The following PHF20 variants were observed in gnomAD, a reference collection of about 807,000 sequenced individuals.
The protein encoded by PHF20 is glioma-expressed antigen 2.
PHF20 carries 23 observed loss-of-function variants against 113.5 expected under a neutral mutation model. That is an observed-to-expected ratio of 0.20 (90% CI 0.15 to 0.29). The LOEUF is 0.29. PHF20 is among the 10% of genes least tolerant of loss of function. PHF20 has a pLI of 1.00. For missense variants in PHF20, 943 were observed against 1,219.6 expected, an observed-to-expected ratio of 0.77 and a Z score of 3.38; for synonymous variants, 434 against 457.3, an observed-to-expected ratio of 0.95 and a Z score of 0.65.
chr20:35,941,122 C>A lies in PHF20; in HGVS notation c.2896+75C>A, dbSNP rs1003279475. The A allele has an allele frequency of 3.2e-6, 4 of 1,268,968 alleles. No homozygotes were observed. The African/African-American group carries it at 5.9e-5, about 19-fold the overall frequency. 78.6% of individuals were successfully genotyped at this position (1,268,968 alleles called of 1,614,324 possible). Reference sequence around the variant, plus strand: ...CCCAGACGAGCTGCTTTCTGAACCCCCCAGTCTGAGTTTACAGGGACCGCT... The same window carrying A: ...CCCAGACGAGCTGCTTTCTGAACCCACCAGTCTGAGTTTACAGGGACCGCT... On this transcript the variant is annotated intron_variant, in intron 17 of 17. Transcript: ENST00000374012.
At chr20:35,881,930 C>T (rs905804739) in intron 9 of PHF20, among the ~76,000 whole-genome samples, 1 of 152,226 alleles carries the variant, frequency 6.6e-6, no homozygotes, top group Non-Finnish European at 1.5e-5. Flanking sequence ...GCCACATGGC[C>T]TCCTTGCTAT....
intron 10 of PHF20, among the ~76,000 whole-genome samples, chr20:35,906,580 C>A (rs868163694): frequency 6.6e-6 from 1 of 152,182 alleles, no homozygotes; most frequent in African/African-American, 2.4e-5. Context: ...GCTTTCTCCC[C>A]GTTGTTGCCC....
At position 35,917,538 on chromosome 20, in the gene PHF20, A is replaced by T; in HGVS notation, c.1880A>T (p.Glu627Val). ...SSESFLWSDD[E>V]YGQDVDVTTN... ...GAGAGCTTTCTCTGGAGTGATGATGAGTATGGCCAAGATGTGGATGTGACC... is the reference window on the plus strand; with the variant it reads ...GAGAGCTTTCTCTGGAGTGATGATGTGTATGGCCAAGATGTGGATGTGACC... The change falls in exon 13 of 18, where the codon GAG (glutamate) becomes GTG (valine). Residue 627 changes from glutamate (E) to valine (V), a missense_variant. Physicochemically the swap from Glu to Val is moderately radical, Grantham distance 121. Around this residue, in one of 3 missense-constraint regions of PHF20, gnomAD observed 592 missense variants for 787.2 expected, o/e 0.75. Coordinates refer to ENST00000374012, the MANE Select transcript of PHF20 (RefSeq NM_016436.5). 6.2e-7 allele frequency: 1 copy of T among 1,614,020 alleles called. No homozygotes were observed. Among genetic ancestry groups the T allele is most frequent in the Non-Finnish European group, 8.5e-7 (1 of 1,179,946 alleles).
At chr20:35,941,110 C>G (rs906308292) in intron 17 of PHF20, 63 bp downstream of exon 17, 1 of 1,365,300 alleles carries the variant, frequency 7.3e-7, no homozygotes, top group Non-Finnish European at 1.0e-6. Flanking sequence ...AGACGAGCTG[C>G]TTTCTGAACC....
intron 9 of PHF20, among the ~76,000 whole-genome samples, chr20:35,893,823 C>T (rs1009300382): frequency 6.6e-6 from 1 of 152,138 alleles, no homozygotes; most frequent in Non-Finnish European, 1.5e-5. Flanking sequence ...ACCATGTTGG[C>T]CAGGCTGGTC....
intron 1 of PHF20, among the ~76,000 whole-genome samples, chr20:35,776,584 C>T (rs1475113339): frequency 1.3e-5 from 2 of 152,148 alleles, no homozygotes; most frequent in Non-Finnish European, 2.9e-5. Flanking sequence ...TGTGTTGGAT[C>T]ATCTGTACCT....
chr20:35,781,067 G>C (rs750473674), intron 1 of PHF20, among the ~76,000 whole-genome samples: 6 of 151,414 alleles, frequency 4.0e-5, no homozygotes, highest in Non-Finnish European at 7.4e-5. Context: ...TGGTCAGTCT[G>C]GTCTCGAACC....
chr20:35,865,451 G>T (rs2054298353), intron 6 of PHF20, among the ~76,000 whole-genome samples: 1 of 144,576 alleles, frequency 6.9e-6, no homozygotes, highest in Non-Finnish European at 1.5e-5. Context: ...TTTTTTTAAA[G>T]TACTGGATTA....
intron 15 of PHF20, among the ~76,000 whole-genome samples, chr20:35,934,760 G>A (rs1210329034): frequency 6.6e-6 from 1 of 152,138 alleles, no homozygotes; most frequent in Non-Finnish European, 1.5e-5. Flanking sequence ...AGGAGGAGAG[G>A]TTGGATGCTG....
rs1652914981 is a variant in PHF20, at chr20:35,806,841, G to A, written c.83+5236G>A. Among the ~76,000 whole-genome samples, 3 of 146,088 alleles carry A rather than the reference G, an allele frequency of 2.1e-5. No individual in the cohort carries two copies. In the South Asian group the frequency reaches 6.4e-4, roughly 31 times the overall value. On this transcript the variant is annotated intron_variant, in intron 2 of 17. Transcript: ENST00000374012. ...GACGGAATCTTGCTCAGTCGCCCAG[G>A]CTGGAGTGCAGTGGCACGATCTTGG...
chr20:35,779,293 C>A (rs903418996), intron 1 of PHF20, among the ~76,000 whole-genome samples: 1 of 151,914 alleles, frequency 6.6e-6, no homozygotes, highest in Non-Finnish European at 1.5e-5. Context: ...CCAGGGCCTC[C>A]CAAAGTGCTA....
intron 14 of PHF20, among the ~76,000 whole-genome samples, chr20:35,930,462 G>T (rs1264554932): frequency 6.6e-6 from 1 of 151,962 alleles, no homozygotes; most frequent in African/African-American, 2.4e-5. Context: ...GTAGCAGAAG[G>T]CCCCACTCCT....
chr20:35,937,632 T>G (rs891474886), intron 15 of PHF20, among the ~76,000 whole-genome samples: 5 of 152,170 alleles, frequency 3.3e-5, no homozygotes, highest in African/African-American at 1.2e-4. Context: ...GACTCTTCCT[T>G]AATTTTCTCC....
chr20:35,839,113 A>C (rs1343024900), intron 2 of PHF20, among the ~76,000 whole-genome samples: 1 of 151,984 alleles, frequency 6.6e-6, no homozygotes, highest in Non-Finnish European at 1.5e-5. Context: ...GTTTGAAGCC[A>C]GGAGCAGTGG....
chr20:35,797,445 C>T (rs1168733304), intron 1 of PHF20, among the ~76,000 whole-genome samples: 1 of 146,402 alleles, frequency 6.8e-6, no homozygotes, highest in African/African-American at 2.5e-5. Flanking sequence ...GCCTAGGAGG[C>T]GGAGGTTACA....
At chr20:35,837,154 C>T (rs2042457440) in intron 2 of PHF20, among the ~76,000 whole-genome samples, 1 of 152,034 alleles carries the variant, frequency 6.6e-6, no homozygotes, top group Admixed American at 6.6e-5. Context: ...TCCTGGGTGA[C>T]ACAGTAAGAC....
In PHF20 at chr20:35,793,995, C is replaced by CAAAAAAAAAAAAAAAAAA. The variant is rs56189104; in HGVS notation, c.-32-7491_-32-7474dup. Among the ~76,000 whole-genome samples the CAAAAAAAAAAAAAAAAAA allele has an allele frequency of 5.1e-3, 174 of 33,814 alleles. 8 individuals carry two copies. The highest frequency in any genetic ancestry group is 0.01 in the South Asian group (7 of 682). 22.2% of individuals were successfully genotyped at this position (33,814 alleles called of 152,430 possible). On this transcript the variant is annotated intron_variant, in intron 1 of 17. Transcript: ENST00000374012. Reference sequence around the variant, plus strand: ...GGGCGACAAGAGCGGGACTCTGTCTCAAAAAAAAAAAAAAAAAAAAAAGGC... The same window carrying CAAAAAAAAAAAAAAAAAA: ...GGGCGACAAGAGCGGGACTCTGTCTCAAAAAAAAAAAAAAAAAAAAAAAAAAAAAAAAAAAAAAAAGGC...
intron 15 of PHF20, among the ~76,000 whole-genome samples, chr20:35,937,858 G>T (rs1175041889): frequency 4.0e-5 from 6 of 151,828 alleles, no homozygotes; most frequent in Non-Finnish European, 8.8e-5. Context: ...TTAATGTTTT[G>T]TTGTTGTTGT....
At position 35,801,470 on chromosome 20, in the gene PHF20, A is replaced by G; in HGVS notation, c.-32-21A>G. 2.3e-6 allele frequency: 3 copies of G among 1,325,024 alleles called. No individual in the cohort carries two copies. The South Asian group carries it at 3.6e-5, about 16-fold the overall frequency. The allele number at this position is 1,325,024 out of a possible 1,614,324, so 82.1% of individuals were successfully genotyped here. A position where few individuals can be genotyped will look rare whatever the true frequency, so the allele number is the denominator to read the frequency against. On this transcript the variant is annotated intron_variant, in intron 1 of 17. Transcript: ENST00000374012. ...GGTGGACTTTGCCTAAGTTTCATAA[A>G]TATTTAATTGGCTTTTTCAGGAGAA... is the stretch of plus-strand genomic sequence containing the variant.
Sources: gnomAD v4.1 joint callset for allele counts (sites outside exome capture counted in the v4.1 genomes callset) on GRCh38, gnomAD v4.1.1 for gene constraint, gnomAD v4.1.1 regional missense constraint, MANE v1.5 for transcripts, NCBI Gene and HGNC (gene_info 2026-07-23, HGNC 2026-07-21) for gene names.